Variants in BMP5 observed in about 807,000 individuals in gnomAD.
The protein encoded by BMP5 is bone morphogenetic protein 5.
A neutral mutation model predicts 46.6 loss-of-function variants in BMP5; 23 were observed. That is an observed-to-expected ratio of 0.49 (90% CI 0.35 to 0.70). The LOEUF (loss-of-function observed/expected upper bound fraction) is 0.70. Among genes scored for constraint, BMP5 ranks in the 30% least tolerant of loss-of-function variants. The pLI is 0.00. For missense variants in BMP5, 545 were observed against 565.6 expected (o/e 0.96, Z 0.37); for synonymous variants, 204 against 191.9 (o/e 1.06, Z -0.52).
At chr6:55,771,885 G>A (rs1446011181) in intron 4 of BMP5, among the ~76,000 whole-genome samples, 1 of 151,636 alleles carries the variant, frequency 6.6e-6, no homozygotes, top group Non-Finnish European at 1.5e-5. Context: ...TTTATATTTG[G>A]ATAATTTTTA....
chr6:55,837,179 G>C (rs899169005), intron 1 of BMP5, among the ~76,000 whole-genome samples: 1 of 151,912 alleles, frequency 6.6e-6, no homozygotes, highest in Non-Finnish European at 1.5e-5. Context: ...AGTCTCCCGA[G>C]TAGCTGGAAC....
intron 2 of BMP5, among the ~76,000 whole-genome samples, chr6:55,802,739 G>T (rs1256006710): frequency 6.6e-6 from 1 of 151,012 alleles, no homozygotes; most frequent in East Asian, 1.9e-4. Context: ...ATGTATTTTT[G>T]CCATTACTTT....
chr6:55,779,761 G>A (rs761848680), intron 3 of BMP5, among the ~76,000 whole-genome samples: 71 of 151,822 alleles, frequency 4.7e-4, no homozygotes, highest in Non-Finnish European at 9.1e-4. Context: ...TAGTTTTATT[G>A]TAAAAGCGCA....
intron 3 of BMP5, among the ~76,000 whole-genome samples, chr6:55,793,339 C>A (rs1022584760): frequency 6.6e-6 from 1 of 152,146 alleles, no homozygotes; most frequent in African/African-American, 2.4e-5. Flanking sequence ...TAGTCACCAT[C>A]CTATGTTCAC....
chr6:55,807,693 T>G (rs1203464792), intron 2 of BMP5, among the ~76,000 whole-genome samples: 1 of 149,876 alleles, frequency 6.7e-6, no homozygotes, highest in Non-Finnish European at 1.5e-5. Context: ...CTGGTCCTGG[T>G]TTTTTTTCGG....
intron 6 of BMP5, among the ~76,000 whole-genome samples, chr6:55,758,072 T>TCACC (rs1774659462): frequency 6.6e-6 from 1 of 151,892 alleles, no homozygotes; most frequent in Admixed American, 6.6e-5. Flanking sequence ...TAAATAAACC[T>TCACC]CACCCACAAA....
In BMP5 at chr6:55,860,193, T is replaced by C. The variant is rs116058379; in HGVS notation, c.490+14183A>G. 6.4e-3 allele frequency among the ~76,000 whole-genome samples: 975 copies of C among 152,214 alleles called. 14 individuals carry two copies. Among genetic ancestry groups the C allele is most frequent in the African/African-American group, 0.023 (938 of 41,552 alleles). On this transcript the variant is annotated intron_variant, in intron 1 of 6. Transcript: ENST00000370830. The stretch of plus-strand genomic sequence containing the variant: ...GGGAGCCTGAGGTGGGAGGACTGCT[T>C]GAGCCCAGGAGGTGAGGCTGCAGTG...
At chr6:55,791,600 A>T (rs1440809552) in intron 3 of BMP5, among the ~76,000 whole-genome samples, 3 of 152,200 alleles carry the variant, frequency 2.0e-5, no homozygotes, top group Non-Finnish European at 2.9e-5. Context: ...AGAAAGGGAA[A>T]GTCAAAATAT....
intron 3 of BMP5, among the ~76,000 whole-genome samples, chr6:55,785,426 C>T (rs1369268738): frequency 1.3e-5 from 2 of 151,748 alleles, no homozygotes; most frequent in Admixed American, 6.6e-5. Context: ...ACATTTTGCT[C>T]ATTTGTATGC....
At chr6:55,851,612 G>A (rs1335281696) in intron 1 of BMP5, among the ~76,000 whole-genome samples, 2 of 152,148 alleles carry the variant, frequency 1.3e-5, no homozygotes, top group African/African-American at 2.4e-5. Context: ...GGAAAATAAA[G>A]TGAACTTCTG....
chr6:55,808,419 C>A (rs112521168), intron 2 of BMP5, among the ~76,000 whole-genome samples: 88 of 152,306 alleles, frequency 5.8e-4, no homozygotes, highest in African/African-American at 2.1e-3. Context: ...AGGCAGTTAT[C>A]TGTCCCGGTG....
intron 4 of BMP5, among the ~76,000 whole-genome samples, chr6:55,771,326 A>G (rs943732757): frequency 7.2e-5 from 11 of 151,790 alleles, no homozygotes; most frequent in Non-Finnish European, 1.2e-4. Context: ...CCTCTCATAC[A>G]CAAATTCAAA....
At position 55,760,500 on chromosome 6, in the gene BMP5, T is replaced by G. The variant is rs1161479301; in HGVS notation, c.1061A>C (p.Lys354Thr). 1 of 1,613,214 alleles carries G rather than the reference T, an allele frequency of 6.2e-7. No homozygotes were observed. The highest frequency in any genetic ancestry group is 1.3e-5 in the African/African-American group (1 of 75,016). Residue 354 changes from lysine to threonine, a missense_variant, in exon 5 of 7, where the codon AAG becomes ACG. Physicochemically the swap from Lys to Thr is moderately conservative, Grantham distance 78. Transcript: ENST00000370830. Reference sequence around the variant, plus strand: ...GAAGCTCACATAGAGTTCGTGCTTCTTACAGGCTTGTTTTTGCTCACTTGT... The same window carrying G: ...GAAGCTCACATAGAGTTCGTGCTTCGTACAGGCTTGTTTTTGCTCACTTGT... ...YNTSEQKQAC[K>T]KHELYVSFRD...
At position 55,755,698 on chromosome 6, in the gene BMP5, G is replaced by C; in HGVS notation, c.1216-16C>G. The C allele has an allele frequency of 6.2e-7, 1 of 1,609,264 alleles. No individual in the cohort carries two copies. Among genetic ancestry groups the C allele is most frequent in the South Asian group, 1.1e-5 (1 of 90,880 alleles). ...TCAGATGAACCTGGGAAAGAAAAAA[G>C]GTTTTGTTTTATTAAGAAATAAAAT... is the stretch of plus-strand genomic sequence containing the variant. On this transcript the variant is annotated splice_polypyrimidine_tract_variant and intron_variant, in intron 6 of 6. Transcript: ENST00000370830.
At chr6:55,855,397 AG>A (rs566543778) in intron 1 of BMP5, among the ~76,000 whole-genome samples, 43 of 151,778 alleles carry the variant, frequency 2.8e-4, no homozygotes, top group African/African-American at 7.7e-4. Flanking sequence ...AAGAAAAAAA[AG>A]GGGGGGGATT....
chr6:55,859,633 C>A (rs1446866889), intron 1 of BMP5, among the ~76,000 whole-genome samples: 1 of 152,150 alleles, frequency 6.6e-6, no homozygotes, highest in Non-Finnish European at 1.5e-5. Flanking sequence ...AAAACATCAA[C>A]AATAATTGGC....
chr6:55,772,907 C>G (rs375820908), intron 4 of BMP5: 9 of 984,804 alleles, frequency 9.1e-6, no homozygotes, highest in Non-Finnish European at 1.1e-5. Flanking sequence ...TTTTATGGAG[C>G]GTCTCTGAGC....
chr6:55,831,093 C>T (rs1041474104), intron 1 of BMP5, among the ~76,000 whole-genome samples: 10 of 152,058 alleles, frequency 6.6e-5, no homozygotes, highest in African/African-American at 1.7e-4. Flanking sequence ...GCTAAATTCC[C>T]GGCTTCTTTC....
intron 2 of BMP5, among the ~76,000 whole-genome samples, chr6:55,795,376 A>T (rs564016481): frequency 6.6e-6 from 1 of 152,164 alleles, no homozygotes; most frequent in African/African-American, 2.4e-5. Context: ...ATGACCTTTG[A>T]TATTGTATTG....
Sources: allele counts gnomAD v4.1 joint callset (sites outside exome capture counted in the v4.1 genomes callset), GRCh38; gene constraint gnomAD v4.1.1; transcripts MANE v1.5; gene names NCBI Gene and HGNC (gene_info 2026-07-23, HGNC 2026-07-21).